GALR1: variants seen among roughly 807,000 people sequenced by gnomAD.
GALR1 encodes the protein galanin receptor type 1.
GALR1 carries 11 observed loss-of-function variants against 17.9 expected under a neutral mutation model. The observed-to-expected ratio is 0.62, with a 90% CI of 0.39 to 1.02. The LOEUF is 1.02. Among genes scored for constraint, GALR1 ranks in the 50% least tolerant of loss-of-function variants. The probability of loss-of-function intolerance (pLI) is 0.01; values close to 1 mark genes in which losing one functional copy is unlikely to be tolerated. For synonymous variants in GALR1, 206 were observed against 205.7 expected, an observed-to-expected ratio of 1.00 and a Z score of -0.01; for missense variants, 441 against 456.9, an observed-to-expected ratio of 0.97 and a Z score of 0.32.
In GALR1 at chr18:77,268,576, CTT is replaced by C. The variant is rs777581494; in HGVS notation, c.733-6_733-5del. The stretch of plus-strand genomic sequence containing the variant: ...TCCTCCTCCTCCTCCTCCTCTTCTT[CTT>C]TTCTAGACTGCACAGACAGTTCTGG... On this transcript the variant is annotated splice_polypyrimidine_tract_variant and splice_region_variant and intron_variant, in intron 2 of 2. Transcript: ENST00000299727. The C allele has an allele frequency of 3.8e-6, 6 of 1,596,484 alleles. No homozygotes were observed. The highest frequency in any genetic ancestry group is 1.7e-5 in the Admixed American group (1 of 58,870).
intron 1 of GALR1, among the ~76,000 whole-genome samples, chr18:77,252,932 C>CCACCACCATCACCACCAT (rs1912479527): frequency 2.4e-5 from 1 of 40,900 alleles, no homozygotes; most frequent in Non-Finnish European, 6.2e-5. Flanking sequence ...ATCACCACCA[C>CCACCACCATCACCACCAT]CACCACCACC....
rs1441178648 is a variant in GALR1, at chr18:77,273,889, C to T, written c.*4987C>T. The T allele has an allele frequency of 6.6e-6, 1 of 152,042 alleles. No homozygotes were observed. The highest frequency in any genetic ancestry group is 2.4e-5 in the African/African-American group (1 of 41,406). 9.4% of individuals were successfully genotyped at this position (152,042 alleles called of 1,614,324 possible). A position where few individuals can be genotyped will look rare whatever the true frequency, so the allele number is the denominator to read the frequency against. On this transcript the variant is annotated 3_prime_UTR_variant, in exon 3 of 3. Transcript: ENST00000299727. Reference sequence around the variant, plus strand: ...AAGTTGTGTAGCTCCAAATTCTCCGCAATTAGAGAAGGCACAGTAAAGAAA... The same window carrying T: ...AAGTTGTGTAGCTCCAAATTCTCCGTAATTAGAGAAGGCACAGTAAAGAAA...
chr18:77,250,397 C>G lies in GALR1; in HGVS notation c.-152C>G, dbSNP rs1304280703. 1.7e-5 allele frequency: 14 copies of G among 830,646 alleles called. No homozygotes were observed. Among genetic ancestry groups the G allele is most frequent in the South Asian group, 9.8e-5 (4 of 40,760 alleles). The allele number at this position is 830,646 out of a possible 1,614,324, so 51.5% of individuals were successfully genotyped here. A position where few individuals can be genotyped will look rare whatever the true frequency, so the allele number is the denominator to read the frequency against. On this transcript the variant is annotated 5_prime_UTR_variant, in exon 1 of 3. Transcript: ENST00000299727. ...CCACCAGGCACGGCCACCGGATCCC[C>G]GCTCCCGCTGGCTCGCGCCTCGGGG...
rs748105208 is a variant in GALR1, at chr18:77,268,678, C to T, written c.826C>T (p.Pro276Ser). ...TCTCTGGGCTGAGTTTGGAGTTTTC[C>T]CGCTGACGCCGGCTTCCTTCCTCTT... ...IHLWAEFGVF[P>S]LTPASFLFRI... Residue 276 changes from proline to serine, a missense_variant, in exon 3 of 3, where the codon CCG (proline) becomes TCG (serine). Pro to Ser is a moderately conservative substitution (Grantham distance 74). Coordinates refer to ENST00000299727, the MANE Select transcript of GALR1 (RefSeq NM_001480.4). 1.2e-6 allele frequency: 2 copies of T among 1,614,138 alleles called. No homozygotes were observed. The highest frequency in any genetic ancestry group is 1.7e-6 in the Non-Finnish European group (2 of 1,180,020).
Position 77,270,732 on chromosome 18 carries a change from T to A in GALR1, c.*1830T>A, listed in dbSNP as rs1385190884. On this transcript the variant is annotated 3_prime_UTR_variant, in exon 3 of 3. Coordinates refer to ENST00000299727, the MANE Select transcript of GALR1 (RefSeq NM_001480.4). ...ACATTTGCAATGTTATTAATAACTC[T>A]CTGGATAAAAGGAAAGAAAAACGTT... The A allele has an allele frequency of 1.3e-5, 2 of 152,196 alleles. No individual in the cohort carries two copies. Among genetic ancestry groups the A allele is most frequent in the Non-Finnish European group, 2.9e-5 (2 of 68,030 alleles). 9.4% of individuals were successfully genotyped at this position (152,196 alleles called of 1,614,324 possible). A position where few individuals can be genotyped will look rare whatever the true frequency, so the allele number is the denominator to read the frequency against.
chr18:77,260,193 G>A (rs992635888), intron 2 of GALR1, among the ~76,000 whole-genome samples: 3 of 152,174 alleles, frequency 2.0e-5, no homozygotes, highest in Admixed American at 2.0e-4. Flanking sequence ...CTGAAATCAA[G>A]CTCCTGCAGA....
rs1912371454 is a variant in GALR1 at position 77,250,451 on chromosome 18, C to G, written c.-98C>G. The G allele has an allele frequency of 2.4e-6, 3 of 1,274,708 alleles. No homozygotes were observed. The highest frequency in any genetic ancestry group is 3.1e-6 in the Non-Finnish European group (3 of 974,418). The allele number at this position is 1,274,708 out of a possible 1,614,324, so 79.0% of individuals were successfully genotyped here. On this transcript the variant is annotated 5_prime_UTR_variant, in exon 1 of 3. Coordinates refer to ENST00000299727, the MANE Select transcript of GALR1 (RefSeq NM_001480.4). ...GCTCAGACTCCTAAACTCGCACTCT[C>G]CGTGCTTTGCGCCGGGACCCCTGGC... is the stretch of plus-strand genomic sequence containing the variant.
intron 1 of GALR1, among the ~76,000 whole-genome samples, chr18:77,251,464 G>T (rs1026440226): frequency 6.6e-6 from 1 of 152,224 alleles, no homozygotes; most frequent in African/African-American, 2.4e-5. Context: ...AGTTCACTTC[G>T]CATGGTCCAG....
At chr18:77,268,524 T>G in intron 2 of GALR1, 61 bp from the exon 3 acceptor site, 1 of 1,120,662 alleles carries the variant, frequency 8.9e-7, no homozygotes, top group East Asian at 2.4e-5. Context: ...ATTTCCTTCC[T>G]TCTTCTTCTC....
At chr18:77,252,995 C>CCACCATCACCACCACCACCAT (rs1912498366) in intron 1 of GALR1, among the ~76,000 whole-genome samples, 1 of 43,718 alleles carries the variant, frequency 2.3e-5, no homozygotes, top group Admixed American at 1.9e-4. Flanking sequence ...ACCATCACCA[C>CCACCATCACCACCACCACCAT]CACCACCACC....
rs367907128 is a variant in GALR1 at position 77,251,236 on chromosome 18, G to T, written c.666+22G>T. 1.6e-5 allele frequency: 26 copies of T among 1,576,350 alleles called. No homozygotes were observed. The African/African-American group carries it at 3.4e-4, about 20-fold the overall frequency. ...CAAGGTGCACGCCGGTCGCGGGGCC[G>T]AGACGCGCGAGGGAGGGCGGAGGGC... On this transcript the variant is annotated intron_variant, in intron 1 of 2. Coordinates refer to ENST00000299727, the MANE Select transcript of GALR1 (RefSeq NM_001480.4).
At chr18:77,252,989 TCACCACCACCACCAC>T (rs1912497112) in intron 1 of GALR1, among the ~76,000 whole-genome samples, 6 of 25,006 alleles carry the variant, frequency 2.4e-4, no homozygotes, top group Admixed American at 4.6e-4. Context: ...ATCACCACCA[TCACCACCACCACCAC>T]CACCACCACC....
Position 77,270,426 on chromosome 18 carries a change from A to T in GALR1, c.*1524A>T, listed in dbSNP as rs1913039913. The T allele has an allele frequency of 6.6e-6, 1 of 152,126 alleles. No individual in the cohort carries two copies. The allele number at this position is 152,126 out of a possible 1,614,324, so 9.4% of individuals were successfully genotyped here. A position where few individuals can be genotyped will look rare whatever the true frequency, so the allele number is the denominator to read the frequency against. ...GCTACTCTGGAGGCTGATGTGGGGG[A>T]TCACCTGAGCCCGGGAGGTCCAGGA... On this transcript the variant is annotated 3_prime_UTR_variant, in exon 3 of 3. Coordinates refer to ENST00000299727, the MANE Select transcript of GALR1 (RefSeq NM_001480.4).
intron 2 of GALR1, among the ~76,000 whole-genome samples, chr18:77,259,612 G>T (rs1912781309): frequency 6.6e-6 from 1 of 151,506 alleles, no homozygotes; most frequent in African/African-American, 2.4e-5. Flanking sequence ...TGGTGATGGT[G>T]GTGGTGGCGA....
Position 77,256,192 on chromosome 18 carries a change from T to C in GALR1, c.701T>C (p.Met234Thr). The C allele has an allele frequency of 1.9e-6, 3 of 1,602,450 alleles. No homozygotes were observed. The highest frequency in any genetic ancestry group is 2.2e-5 in the South Asian group (2 of 90,790). Residue 234 changes from methionine to threonine, a missense_variant, in exon 2 of 3, where the codon ATG (methionine) becomes ACG (threonine). Physicochemically the swap from Met to Thr is moderately conservative, Grantham distance 81 (BLOSUM62 -1). Transcript: ENST00000299727. ...LNHLHKKLKN[M>T]SKKSEASKKK... ...CACTTGCATAAAAAGTTGAAGAACA[T>C]GTCAAAGAAGTCTGAAGCATCCAAG... is the stretch of plus-strand genomic sequence containing the variant.
chr18:77,259,720 G>A (rs1012953407), intron 2 of GALR1, among the ~76,000 whole-genome samples: 1 of 151,926 alleles, frequency 6.6e-6, no homozygotes, highest in Admixed American at 6.6e-5. Context: ...TGGTAATGGT[G>A]GTGGTGGTAT....
rs1913136724 is a variant in GALR1 at position 77,275,368 on chromosome 18, T to G, written c.*6466T>G. On this transcript the variant is annotated 3_prime_UTR_variant, in exon 3 of 3. Coordinates refer to ENST00000299727, the MANE Select transcript of GALR1 (RefSeq NM_001480.4). ...TGTGATGGGTGTGCCTCCCTCGGAC[T>G]TACTCTGGCCAGGAACTGCATCTGC... 6.6e-6 allele frequency: 1 copy of G among 152,332 alleles called. No individual in the cohort carries two copies. The highest frequency in any genetic ancestry group is 1.5e-5 in the Non-Finnish European group (1 of 68,138). 9.4% of individuals were successfully genotyped at this position (152,332 alleles called of 1,614,324 possible).
rs1913000848 is a variant in GALR1 at position 77,268,817 on chromosome 18, T to A, written c.965T>A (p.Ile322Asn). ...KAYKQVFKCH[I>N]RKDSHLSDTK... The stretch of plus-strand genomic sequence containing the variant: ...TATAAACAAGTGTTCAAGTGTCACA[T>A]TCGCAAAGATTCACACCTGAGTGAT... The change falls in exon 3 of 3, where the codon ATT becomes AAT. Residue 322 changes from isoleucine (I) to asparagine (N), a missense_variant. Ile to Asn is a moderately radical substitution (Grantham distance 149). Coordinates refer to ENST00000299727, the MANE Select transcript of GALR1 (RefSeq NM_001480.4). 1 of 1,613,818 alleles carries A rather than the reference T, an allele frequency of 6.2e-7. No homozygotes were observed. The highest frequency in any genetic ancestry group is 8.5e-7 in the Non-Finnish European group (1 of 1,179,840).
In GALR1 at chr18:77,264,133, CAAAAAAAAAAAAAAAAAAAA is replaced by C. The variant is rs56102250; in HGVS notation, c.733-4440_733-4421del. ...TGGGTGACAGAGCGAGACTCCATCT[CAAAAAAAAAAAAAAAAAAAA>C]AAAAAAAAAAAGAATCCTTTTGCTA... On this transcript the variant is annotated intron_variant, in intron 2 of 2. Transcript: ENST00000299727. Among the ~76,000 whole-genome samples the C allele has an allele frequency of 3.8e-4, 22 of 57,268 alleles. 1 individual carries two copies. Among genetic ancestry groups the C allele is most frequent in the Admixed American group, 3.4e-3 (14 of 4,088 alleles). 37.6% of individuals were successfully genotyped at this position (57,268 alleles called of 152,430 possible). A position where few individuals can be genotyped will look rare whatever the true frequency, so the allele number is the denominator to read the frequency against.
Sources: allele counts gnomAD v4.1 joint callset (sites outside exome capture counted in the v4.1 genomes callset), GRCh38; gene constraint gnomAD v4.1.1; transcripts MANE v1.5; gene names NCBI Gene and HGNC (gene_info 2026-07-23, HGNC 2026-07-21).